The following NOL4 variants were observed in gnomAD, a reference collection of about 807,000 sequenced individuals.
NOL4 encodes the protein nucleolar protein 4, also known as cancer/testis antigen 125.
NOL4 carries 17 observed loss-of-function variants against 75.9 expected under a neutral mutation model. The ratio of observed to expected loss-of-function variants is 0.22; its 90% CI spans 0.15 to 0.34. The LOEUF is 0.34. Ranked by LOEUF, NOL4 falls within the 10% of genes least tolerant of loss-of-function variation. NOL4 has a pLI of 1.00. For synonymous variants in NOL4, 292 were observed against 289.9 expected, an observed-to-expected ratio of 1.01 and a Z score of -0.07; for missense variants, 614 against 793.5, an observed-to-expected ratio of 0.77 and a Z score of 2.72.
chr18:34,140,904 G>T (rs1353195050), intron 1 of NOL4, among the ~76,000 whole-genome samples: 5 of 151,912 alleles, frequency 3.3e-5, no homozygotes, highest in African/African-American at 1.2e-4. Flanking sequence ...GCATTTGCTT[G>T]TCTAACAATG....
chr18:33,994,673 C>T (rs2073150656), intron 6 of NOL4, among the ~76,000 whole-genome samples: 1 of 151,394 alleles, frequency 6.6e-6, no homozygotes, highest in African/African-American at 2.4e-5. Flanking sequence ...GCTGTAGGCA[C>T]TTATATTAAA....
chr18:33,879,919 T>G (rs1267970377), intron 10 of NOL4, among the ~76,000 whole-genome samples: 1 of 152,064 alleles, frequency 6.6e-6, no homozygotes, highest in East Asian at 1.9e-4. Context: ...TGTACATTCA[T>G]TTTTTCTATT....
chr18:34,213,598 T>C (rs1339849905), intron 1 of NOL4, among the ~76,000 whole-genome samples: 4 of 152,204 alleles, frequency 2.6e-5, no homozygotes, highest in Non-Finnish European at 5.9e-5. Context: ...TCTGTTCTTA[T>C]GAATGAATTA....
intron 9 of NOL4, among the ~76,000 whole-genome samples, chr18:33,897,791 T>C (rs1054948156): frequency 6.6e-6 from 1 of 152,114 alleles, no homozygotes; most frequent in Non-Finnish European, 1.5e-5. Flanking sequence ...TCTAATAATA[T>C]CATCATTGTA....
In NOL4 at chr18:34,168,774, G is replaced by A. The variant is rs4267400; in HGVS notation, c.265-38754C>T. Among the ~76,000 whole-genome samples, 1,444 of 151,584 alleles carry A rather than the reference G, an allele frequency of 9.5e-3. 12 individuals are homozygous for A. The highest frequency in any genetic ancestry group is 0.025 in the Middle Eastern group (7 of 278). On this transcript the variant is annotated intron_variant, in intron 1 of 10. Transcript: ENST00000261592. Reference sequence around the variant, plus strand: ...TATGTTTGCATTTTCAAATTTAAACGGAAACTTCTAAGATAATTCTAATTT... The same window carrying A: ...TATGTTTGCATTTTCAAATTTAAACAGAAACTTCTAAGATAATTCTAATTT...
intron 9 of NOL4, among the ~76,000 whole-genome samples, chr18:33,903,414 A>C (rs1159624734): frequency 6.6e-6 from 1 of 152,096 alleles, no homozygotes; most frequent in Non-Finnish European, 1.5e-5. Context: ...AGAGAACCAA[A>C]CCATATCAAT....
Position 33,920,636 on chromosome 18 carries a change from G to T in NOL4, c.1542+22429C>A, listed in dbSNP as rs373534090. ...ACTATACACTAAAGAGATTAGGTAT[G>T]TGATTTATGGGTCCAATCAACCATT... On this transcript the variant is annotated intron_variant, in intron 9 of 10. Transcript: ENST00000261592. Among the ~76,000 whole-genome samples, 108 of 152,308 alleles carry T rather than the reference G, an allele frequency of 7.1e-4. 1 individual carries two copies. The South Asian group carries it at 0.02, about 28-fold the overall frequency.
At chr18:34,149,686 T>C (rs1010071225) in intron 1 of NOL4, among the ~76,000 whole-genome samples, 4 of 151,704 alleles carry the variant, frequency 2.6e-5, no homozygotes, top group Non-Finnish European at 4.4e-5. Context: ...TATTCTCCAG[T>C]TGATGACCAT....
chr18:34,137,077 G>A (rs2080922109), intron 1 of NOL4, among the ~76,000 whole-genome samples: 1 of 151,978 alleles, frequency 6.6e-6, no homozygotes, highest in South Asian at 2.1e-4. Context: ...AACAAATAAT[G>A]CCAGGACAAC....
chr18:34,073,272 A>G (rs1360836794), intron 5 of NOL4, among the ~76,000 whole-genome samples: 2 of 152,072 alleles, frequency 1.3e-5, no homozygotes, highest in Non-Finnish European at 2.9e-5. Flanking sequence ...TCACAGGACA[A>G]TAAAGTGTTA....
chr18:34,208,183 T>C (rs2036255405), intron 1 of NOL4, among the ~76,000 whole-genome samples: 1 of 152,148 alleles, frequency 6.6e-6, no homozygotes, highest in Non-Finnish European at 1.5e-5. Context: ...TTGACATCCA[T>C]CCTCATTTAC....
chr18:33,867,955 T>C (rs966681834), intron 10 of NOL4, among the ~76,000 whole-genome samples: 4 of 152,090 alleles, frequency 2.6e-5, no homozygotes, highest in African/African-American at 9.7e-5. Flanking sequence ...TAAACCTTTT[T>C]TGTCCTTCTC....
chr18:34,204,091 T>C (rs1443139464), intron 1 of NOL4, among the ~76,000 whole-genome samples: 1 of 151,924 alleles, frequency 6.6e-6, no homozygotes, highest in Non-Finnish European at 1.5e-5. Flanking sequence ...TTCAATTTGT[T>C]CCAAAAATGG....
intron 1 of NOL4, among the ~76,000 whole-genome samples, chr18:34,156,863 C>T (rs1211508855): frequency 6.6e-6 from 1 of 152,096 alleles, no homozygotes; most frequent in South Asian, 2.1e-4. Flanking sequence ...AATCCAAATT[C>T]CTCATCATGG....
intron 10 of NOL4, among the ~76,000 whole-genome samples, chr18:33,868,649 TCACA>T (rs10669407): frequency 0.03 from 4,169 of 137,916 alleles, 134 homozygotes; most frequent in African/African-American, 0.084. Flanking sequence ...TTCCTGTATT[TCACA>T]CACACACACA....
intron 6 of NOL4, among the ~76,000 whole-genome samples, chr18:33,962,950 T>C (rs1322996259): frequency 6.6e-6 from 1 of 152,200 alleles, no homozygotes; most frequent in Non-Finnish European, 1.5e-5. Flanking sequence ...AGGATCTAAA[T>C]CTCAAGGATG....
chr18:34,126,998 AG>A (rs2080417068), intron 2 of NOL4, among the ~76,000 whole-genome samples: 1 of 151,938 alleles, frequency 6.6e-6, no homozygotes, highest in Non-Finnish European at 1.5e-5. Flanking sequence ...AATGCAATAA[AG>A]AGACCTAAGA....
intron 8 of NOL4, among the ~76,000 whole-genome samples, chr18:33,954,031 G>A (rs1318125335): frequency 6.6e-6 from 1 of 152,078 alleles, no homozygotes; most frequent in African/African-American, 2.4e-5. Flanking sequence ...AACTAATTCA[G>A]TAGAGTCATC....
intron 1 of NOL4, chr18:34,222,340 G>C (rs2037376752): frequency 8.0e-7 from 1 of 1,243,674 alleles, no homozygotes; most frequent in Non-Finnish European, 1.0e-6. Flanking sequence ...GTGAGGAAGG[G>C]AATGGGGGGG....
Sources: allele counts gnomAD v4.1 joint callset (sites outside exome capture counted in the v4.1 genomes callset), GRCh38; gene constraint gnomAD v4.1.1; transcripts MANE v1.5; gene names NCBI Gene and HGNC (gene_info 2026-07-23, HGNC 2026-07-21).